CMSS1: variants seen among roughly 807,000 people sequenced by gnomAD.
CMSS1 encodes the protein cms1 ribosomal small subunit homolog.
Under a neutral mutation model 43.5 loss-of-function variants are expected in CMSS1, and 33 were observed. The ratio of observed to expected loss-of-function variants is 0.76; its 90% CI spans 0.57 to 1.01. CMSS1 has a LOEUF of 1.01. CMSS1 is among the 50% of genes least tolerant of loss of function. CMSS1 has a pLI of 0.00. For missense variants in CMSS1, 313 were observed against 326.4 expected, an observed-to-expected ratio of 0.96 and a Z score of 0.32; for synonymous variants, 115 against 117.2, an observed-to-expected ratio of 0.98 and a Z score of 0.12.
chr3:100,131,176 A>G (rs1382921159), intron 1 of CMSS1, among the ~76,000 whole-genome samples: 1 of 152,198 alleles, frequency 6.6e-6, no homozygotes, highest in African/African-American at 2.4e-5. Context: ...TTTATAGATG[A>G]GGAAACTAAG....
At chr3:100,068,696 C>T (rs1464255392) in intron 1 of CMSS1, among the ~76,000 whole-genome samples, 2 of 152,136 alleles carry the variant, frequency 1.3e-5, no homozygotes, top group African/African-American at 2.4e-5. Context: ...TGCACGATCT[C>T]GGCTTACTGC....
chr3:99,850,956 C>T (rs1943663671), intron 1 of CMSS1: 1 of 1,614,068 alleles, frequency 6.2e-7, no homozygotes, highest in Admixed American at 1.7e-5. Flanking sequence ...CCACCACCAT[C>T]AAAGCAAAAG....
rs11537816 is a variant in CMSS1, at chr3:100,167,818, G to A, written c.496G>A (p.Val166Ile). 279,943 of 1,610,522 alleles carry A rather than the reference G, an allele frequency of 0.17. 25,912 individuals carry two copies. Among genetic ancestry groups the A allele is most frequent in the South Asian group, 0.22 (20,319 of 90,616 alleles). Residue 166 changes from valine (V) to isoleucine (I), a missense_variant, in exon 6 of 10, where the codon GTC becomes ATC. By Grantham distance (29) the Val-to-Ile change is conservative. Transcript: ENST00000421999. ...VLMLIICSSAVRALELIRSMT... is the reference protein window; with the variant it reads ...VLMLIICSSAIRALELIRSMT... ...GATGCTGATCATCTGCAGCTCGGCC[G>A]TCCGAGCCCTGGAGCTCATTAGGTT...
chr3:100,043,064 A>G (rs17393059), intron 1 of CMSS1, among the ~76,000 whole-genome samples: 32,107 of 152,236 alleles, frequency 0.21, 3,523 homozygotes, highest in South Asian at 0.26. Context: ...CAATGTGAAG[A>G]TCAGTGACAG....
intron 1 of CMSS1, among the ~76,000 whole-genome samples, chr3:100,117,878 T>TATACAC (rs1357671856): frequency 1.6e-4 from 21 of 129,086 alleles, no homozygotes; most frequent in African/African-American, 6.6e-4. Flanking sequence ...TATATATATA[T>TATACAC]ACACATACAA....
intron 1 of CMSS1, among the ~76,000 whole-genome samples, chr3:100,017,897 T>C (rs772589235): frequency 7.9e-5 from 12 of 152,212 alleles, no homozygotes; most frequent in Non-Finnish European, 1.8e-4. Flanking sequence ...CCAGTTTTCC[T>C]GGATCTGTAG....
At chr3:99,848,783 C>G (rs1240438061) in intron 1 of CMSS1, 1 of 1,614,008 alleles carries the variant, frequency 6.2e-7, no homozygotes, top group Admixed American at 1.7e-5. Context: ...TTCATGAGGT[C>G]TTCGGTAGAG....
At chr3:99,912,048 C>G (rs1209818438) in intron 1 of CMSS1, among the ~76,000 whole-genome samples, 1 of 152,030 alleles carries the variant, frequency 6.6e-6, no homozygotes, top group Non-Finnish European at 1.5e-5. Context: ...CACAGTGAAA[C>G]TTTATCTCAT....
intron 1 of CMSS1, among the ~76,000 whole-genome samples, chr3:99,922,220 G>A (rs1487856501): frequency 1.3e-5 from 2 of 152,232 alleles, no homozygotes; most frequent in Non-Finnish European, 2.9e-5. Context: ...GCAAGTTAGT[G>A]CCAAATAAGT....
At chr3:100,130,168 T>C (rs2066694766) in intron 1 of CMSS1, among the ~76,000 whole-genome samples, 1 of 152,218 alleles carries the variant, frequency 6.6e-6, no homozygotes, top group South Asian at 2.1e-4. Context: ...GCTGTTCCAT[T>C]CCTATAAAGT....
At chr3:100,093,097 A>G (rs2066141441) in intron 1 of CMSS1, among the ~76,000 whole-genome samples, 1 of 152,118 alleles carries the variant, frequency 6.6e-6, no homozygotes, top group Non-Finnish European at 1.5e-5. Flanking sequence ...TGAAGTGTAA[A>G]ATTTTAAAAG....
intron 1 of CMSS1, among the ~76,000 whole-genome samples, chr3:99,973,146 G>A (rs1352988146): frequency 1.3e-5 from 2 of 152,202 alleles, no homozygotes; most frequent in African/African-American, 4.8e-5. Flanking sequence ...CCAAGGTTTA[G>A]ATTTTATGAT....
chr3:100,167,772 C>T lies in CMSS1; in HGVS notation c.450C>T (p.His150=). 1 of 1,613,200 alleles carries T rather than the reference C, an allele frequency of 6.2e-7. No homozygotes were observed. Among genetic ancestry groups the T allele is most frequent in the Non-Finnish European group, 8.5e-7 (1 of 1,179,712 alleles). ...AGTGGGTAAAACTTAGGAAGAACCA[C>T]AGTGAGAAGAAATCGGTCCTGATGC... is the stretch of plus-strand genomic sequence containing the variant. ...CPKWVKLRKN[H]SEKKSVLMLI... The change falls in exon 6 of 10, where the codon CAC becomes CAT. Residue 150 remains histidine (H), a synonymous_variant. Coordinates refer to ENST00000421999, the MANE Select transcript of CMSS1 (RefSeq NM_032359.4).
At chr3:99,956,676 T>C (rs147182943) in intron 1 of CMSS1, among the ~76,000 whole-genome samples, 1,715 of 152,332 alleles carry the variant, frequency 0.011, 18 homozygotes, top group African/African-American at 0.025. Flanking sequence ...ATCATAAGCA[T>C]CGCCTCTTAA....
intron 1 of CMSS1, among the ~76,000 whole-genome samples, chr3:99,927,789 T>C (rs1186977401): frequency 6.6e-6 from 1 of 152,202 alleles, no homozygotes; most frequent in East Asian, 1.9e-4. Context: ...TCAAAACTCT[T>C]GTGGACTGAG....
chr3:99,897,411 A>G (rs1190940409), intron 1 of CMSS1, among the ~76,000 whole-genome samples: 1 of 152,096 alleles, frequency 6.6e-6, no homozygotes, highest in Non-Finnish European at 1.5e-5. Flanking sequence ...TACCTTTGAC[A>G]GTAAATACAG....
At chr3:99,861,731 T>C (rs948752279) in intron 1 of CMSS1, among the ~76,000 whole-genome samples, 1 of 152,098 alleles carries the variant, frequency 6.6e-6, no homozygotes, top group African/African-American at 2.4e-5. Context: ...GCATGTACAC[T>C]CTCTAGTACC....
Position 100,012,971 on chromosome 3 carries a change from A to T in CMSS1, c.65-134002A>T, listed in dbSNP as rs115426209. Among the ~76,000 whole-genome samples the T allele has an allele frequency of 7.4e-3, 1,130 of 151,722 alleles. 9 individuals are homozygous for T. The highest frequency in any genetic ancestry group is 0.012 in the Non-Finnish European group (841 of 67,900). ...ATTTTATGTATGTATGTATTTATTT[A>T]TTTATTTGGAGAGACAGGGTTTTGT... On this transcript the variant is annotated intron_variant, in intron 1 of 9. Coordinates refer to ENST00000421999, the MANE Select transcript of CMSS1 (RefSeq NM_032359.4).
At chr3:100,137,023 G>A (rs116523288) in intron 1 of CMSS1, among the ~76,000 whole-genome samples, 2,483 of 152,242 alleles carry the variant, frequency 0.016, 66 homozygotes, top group African/African-American at 0.056. Context: ...ATGGCCTTAC[G>A]GCCTTCACAG....
Sources: allele counts gnomAD v4.1 joint callset (sites outside exome capture counted in the v4.1 genomes callset), GRCh38; gene constraint gnomAD v4.1.1; transcripts MANE v1.5; gene names NCBI Gene and HGNC (gene_info 2026-07-23, HGNC 2026-07-21).